The following ESF1 variants were observed in gnomAD, a reference collection of about 807,000 sequenced individuals.
ESF1 encodes the protein ESF1 homolog.
ESF1 carries 58 observed loss-of-function variants against 92.0 expected under a neutral mutation model. The ratio of observed to expected loss-of-function variants is 0.63; its 90% CI spans 0.51 to 0.78. ESF1 has a LOEUF of 0.78. Ranked by LOEUF, ESF1 falls within the 30% of genes least tolerant of loss-of-function variation. The probability of loss-of-function intolerance (pLI) is 0.00; values close to 1 mark genes in which losing one functional copy is unlikely to be tolerated. For synonymous variants in ESF1, 321 were observed against 313.7 expected (o/e 1.02, Z -0.24); for missense variants, 922 against 989.1 (o/e 0.93, Z 0.91).
Position 13,773,885 on chromosome 20 carries a change from G to A in ESF1, c.1150-1270C>T, listed in dbSNP as rs182334582. Among the ~76,000 whole-genome samples the A allele has an allele frequency of 1.3e-3, 203 of 152,234 alleles. 1 individual carries two copies. The highest frequency in any genetic ancestry group is 4.6e-3 in the African/African-American group (190 of 41,562). On this transcript the variant is annotated intron_variant, in intron 4 of 13. Coordinates refer to ENST00000617257, the MANE Select transcript of ESF1 (RefSeq NM_001276380.2). ...CCGAGGCGGGCGGATCATGAGGTCA[G>A]GAGATCGAGACCATCCTGGCTAACA...
intron 1 of ESF1, 61 bp downstream of exon 1, chr20:13,784,819 C>T: frequency 3.6e-6 from 2 of 560,298 alleles, no homozygotes; most frequent in East Asian, 6.0e-5. Context: ...CCGCGCCACA[C>T]ACACACACGC....
intron 8 of ESF1, among the ~76,000 whole-genome samples, chr20:13,761,451 T>C (rs2147763845): frequency 6.6e-6 from 1 of 151,784 alleles, no homozygotes; most frequent in South Asian, 2.1e-4. Flanking sequence ...TTATCCCTCT[T>C]TATGTCCTCC....
intron 10 of ESF1, among the ~76,000 whole-genome samples, chr20:13,731,481 G>A (rs952157580): frequency 6.9e-6 from 1 of 144,000 alleles, no homozygotes; most frequent in Non-Finnish European, 1.5e-5. Context: ...GCAGTGAGCC[G>A]AGATCAGGCC....
At chr20:13,775,752 A>C (rs1014654099) in intron 3 of ESF1, 121 bp downstream of exon 3, 4 of 1,173,640 alleles carry the variant, frequency 3.4e-6, no homozygotes, top group African/African-American at 3.1e-5. Flanking sequence ...AATTTTAATC[A>C]GAATCATAAA....
chr20:13,757,091 T>C (rs991635027), intron 9 of ESF1, among the ~76,000 whole-genome samples: 1 of 152,134 alleles, frequency 6.6e-6, no homozygotes. Flanking sequence ...TAACCAGTGG[T>C]TGAATTAGGA....
At chr20:13,731,221 A>C (rs2049940367) in intron 10 of ESF1, among the ~76,000 whole-genome samples, 4 of 152,208 alleles carry the variant, frequency 2.6e-5, no homozygotes. Flanking sequence ...CCCACTTGAG[A>C]CATCTCCAAT....
intron 9 of ESF1, among the ~76,000 whole-genome samples, chr20:13,754,582 A>G (rs1158004123): frequency 2.0e-5 from 3 of 152,210 alleles, no homozygotes; most frequent in South Asian, 4.1e-4. Flanking sequence ...TATGAAAAAA[A>G]AAATTCTTGA....
intron 9 of ESF1, among the ~76,000 whole-genome samples, chr20:13,755,813 T>C (rs1453347138): frequency 1.3e-5 from 2 of 152,226 alleles, no homozygotes; most frequent in African/African-American, 4.8e-5. Flanking sequence ...AAACTCCTCA[T>C]GTTACTATAC....
intron 9 of ESF1, among the ~76,000 whole-genome samples, chr20:13,740,524 T>C (rs536914178): frequency 2.2e-4 from 34 of 152,244 alleles, no homozygotes; most frequent in African/African-American, 7.7e-4. Flanking sequence ...GATTCAGAGT[T>C]AGAATGTACT....
At chr20:13,760,038 A>C (rs963695242) in intron 8 of ESF1, among the ~76,000 whole-genome samples, 185 bp from the exon 9 acceptor site, 4 of 152,238 alleles carry the variant, frequency 2.6e-5, no homozygotes, top group African/African-American at 9.6e-5. Context: ...TTGCAATATA[A>C]ATTTGCACTG....
chr20:13,715,449 C>T (rs1023889924), intron 13 of ESF1, among the ~76,000 whole-genome samples: 1 of 152,108 alleles, frequency 6.6e-6, no homozygotes, highest in Non-Finnish European at 1.5e-5. Context: ...CCGGTAACTA[C>T]AACGACCACT....
intron 13 of ESF1, 66 bp downstream of exon 13, chr20:13,717,302 T>C: frequency 6.3e-7 from 1 of 1,576,288 alleles, no homozygotes; most frequent in South Asian, 1.1e-5. Flanking sequence ...GCTCAATTTC[T>C]ATCTGCAGAG....
At chr20:13,721,312 G>C (rs923629783) in intron 11 of ESF1, among the ~76,000 whole-genome samples, 1 of 152,116 alleles carries the variant, frequency 6.6e-6, no homozygotes, top group Non-Finnish European at 1.5e-5. Context: ...ATTATGTTGC[G>C]ATCACAGCTC....
At chr20:13,776,720 A>T (rs1036587376) in intron 2 of ESF1, among the ~76,000 whole-genome samples, 2 of 152,210 alleles carry the variant, frequency 1.3e-5, no homozygotes, top group African/African-American at 4.8e-5. Flanking sequence ...CCCAGAAAGA[A>T]TGTTTTCTAA....
intron 10 of ESF1, among the ~76,000 whole-genome samples, chr20:13,732,584 G>A (rs998113379): frequency 6.6e-6 from 1 of 152,188 alleles, no homozygotes; most frequent in African/African-American, 2.4e-5. Context: ...TCTGGTCTCA[G>A]CTTGGCCACT....
intron 7 of ESF1, among the ~76,000 whole-genome samples, chr20:13,767,175 AACC>A (rs1979466084): frequency 6.6e-6 from 1 of 152,230 alleles, no homozygotes; most frequent in African/African-American, 2.4e-5. Flanking sequence ...AGTAAAAATT[AACC>A]AGTGTCTAAA....
chr20:13,718,127 C>G (rs1482691389), intron 12 of ESF1, among the ~76,000 whole-genome samples: 1 of 152,180 alleles, frequency 6.6e-6, no homozygotes. Context: ...ACCATGTACA[C>G]TAGTAAAAAT....
intron 7 of ESF1, among the ~76,000 whole-genome samples, chr20:13,768,833 G>T (rs1194861948): frequency 6.8e-6 from 1 of 147,664 alleles, no homozygotes; most frequent in South Asian, 2.2e-4. Context: ...GAAGGCAGAG[G>T]TTGCAGTGAG....
intron 9 of ESF1, among the ~76,000 whole-genome samples, chr20:13,759,132 A>T (rs2147760561): frequency 6.6e-6 from 1 of 152,336 alleles, no homozygotes; most frequent in South Asian, 2.1e-4. Context: ...AAACCATGAA[A>T]AAGGGGCAAC....
Sources: allele counts gnomAD v4.1 joint callset (sites outside exome capture counted in the v4.1 genomes callset), GRCh38; gene constraint gnomAD v4.1.1; transcripts MANE v1.5; gene names NCBI Gene and HGNC (gene_info 2026-07-23, HGNC 2026-07-21).